The following LINGO2 variants were observed in gnomAD, a reference collection of about 807,000 sequenced individuals.
LINGO2 encodes the protein leucine-rich repeat and immunoglobulin-like domain-containing nogo receptor-interacting protein 2.
LINGO2 carries 14 observed loss-of-function variants against 30.6 expected under a neutral mutation model. That is an observed-to-expected ratio of 0.46 (90% confidence interval 0.30 to 0.72). The LOEUF (loss-of-function observed/expected upper bound fraction) is 0.72, where lower values mean the gene tolerates loss of function less well. Among genes scored for constraint, LINGO2 ranks in the 30% least tolerant of loss-of-function variants. The probability of loss-of-function intolerance (pLI) is 0.07; values close to 1 mark genes in which losing one functional copy is unlikely to be tolerated. For synonymous variants in LINGO2, 317 were observed against 288.5 expected, an observed-to-expected ratio of 1.10 and a Z score of -1.00; for missense variants, 729 against 751.7, an observed-to-expected ratio of 0.97 and a Z score of 0.35.
At chr9:28,813,574 C>T in the LINGO2 span, among the ~76,000 whole-genome samples, 25 of 152,094 alleles carry the variant, frequency 1.6e-4, no homozygotes, top group Admixed American at 3.3e-4. Context: ...TTAATGAACA[C>T]GAACATCTAC....
chr9:27,948,109 T>G (rs2118247094), exon 6 of LINGO2: 1 of 152,300 alleles, frequency 6.6e-6, no homozygotes, highest in South Asian at 2.1e-4. Context: ...ATGCCTTTAT[T>G]TATAGTAACA....
intron 4 of LINGO2, among the ~76,000 whole-genome samples, chr9:28,221,533 A>G (rs2133898041): frequency 6.6e-6 from 1 of 152,256 alleles, no homozygotes; most frequent in East Asian, 1.9e-4. Context: ...AAAGCATATG[A>G]TTTGGTGGTT....
chr9:28,595,967 G>A (rs2135724916), intron 1 of LINGO2, among the ~76,000 whole-genome samples: 1 of 152,186 alleles, frequency 6.6e-6, no homozygotes, highest in African/African-American at 2.4e-5. Flanking sequence ...CGGAATTTGT[G>A]TATCTTTTTG....
the LINGO2 span, among the ~76,000 whole-genome samples, chr9:29,107,066 C>T: frequency 6.6e-6 from 1 of 152,164 alleles, no homozygotes; most frequent in Admixed American, 6.5e-5. Context: ...ATAAAATGCT[C>T]TTACATGTAA....
At chr9:28,485,508 G>C (rs529860374) in intron 1 of LINGO2, among the ~76,000 whole-genome samples, 97 of 152,170 alleles carry the variant, frequency 6.4e-4, no homozygotes, top group African/African-American at 2.1e-3. Context: ...AGGAGAGAAA[G>C]CTCATTATAG....
chr9:28,283,454 T>C (rs1254788121), intron 4 of LINGO2, among the ~76,000 whole-genome samples: 1 of 152,116 alleles, frequency 6.6e-6, no homozygotes, highest in Non-Finnish European at 1.5e-5. Context: ...AAAGGCAAAA[T>C]ATACACACAG....
chr9:28,014,082 A>T (rs1224508465), intron 4 of LINGO2, among the ~76,000 whole-genome samples: 2 of 152,058 alleles, frequency 1.3e-5, no homozygotes, highest in Admixed American at 6.6e-5. Flanking sequence ...TTTTTTTGCC[A>T]CCACTGTGTA....
intron 1 of LINGO2, among the ~76,000 whole-genome samples, chr9:28,556,474 C>A (rs531542335): frequency 1.3e-5 from 2 of 152,202 alleles, no homozygotes; most frequent in East Asian, 3.9e-4. Context: ...GAACGACAAA[C>A]CACTGCTCAA....
intron 1 of LINGO2, among the ~76,000 whole-genome samples, chr9:28,515,738 C>T (rs941722907): frequency 2.6e-5 from 4 of 152,110 alleles, no homozygotes; most frequent in African/African-American, 7.2e-5. Flanking sequence ...GTTGAAATGA[C>T]AACAAAGGAT....
At chr9:29,161,503 T>A in the LINGO2 span, among the ~76,000 whole-genome samples, 65 of 152,214 alleles carry the variant, frequency 4.3e-4, no homozygotes, top group African/African-American at 1.5e-3. Flanking sequence ...AAAATTTTCC[T>A]GTAGATAAAT....
intron 2 of LINGO2, among the ~76,000 whole-genome samples, chr9:28,407,790 T>G (rs1220047680): frequency 6.6e-6 from 1 of 152,168 alleles, no homozygotes; most frequent in Non-Finnish European, 1.5e-5. Flanking sequence ...TCACTATAAT[T>G]TTACAAATAA....
chr9:28,812,403 T>C, the LINGO2 span, among the ~76,000 whole-genome samples: 1 of 152,176 alleles, frequency 6.6e-6, no homozygotes, highest in South Asian at 2.1e-4. Context: ...TCTTTCATGA[T>C]GCGCAATTAT....
chr9:28,243,095 A>G (rs1411844713), intron 4 of LINGO2, among the ~76,000 whole-genome samples: 1 of 152,148 alleles, frequency 6.6e-6, no homozygotes, highest in East Asian at 1.9e-4. Context: ...TAGCATCATG[A>G]TAACAGAATC....
the LINGO2 span, among the ~76,000 whole-genome samples, chr9:28,948,739 C>T: frequency 6.6e-6 from 1 of 151,988 alleles, no homozygotes; most frequent in African/African-American, 2.4e-5. Context: ...GTATTGAAAA[C>T]ACTGAAACCT....
the LINGO2 span, among the ~76,000 whole-genome samples, chr9:29,070,263 T>C: frequency 6.6e-6 from 1 of 152,086 alleles, no homozygotes. Context: ...TAACCATCAC[T>C]CTACTGCCCA....
chr9:29,010,447 T>C, the LINGO2 span, among the ~76,000 whole-genome samples: 1 of 152,138 alleles, frequency 6.6e-6, no homozygotes, highest in Non-Finnish European at 1.5e-5. Flanking sequence ...CAAAGGATGA[T>C]AAGAAACAGG....
chr9:28,345,939 T>G (rs1819547168), intron 3 of LINGO2, among the ~76,000 whole-genome samples: 1 of 152,116 alleles, frequency 6.6e-6, no homozygotes, highest in South Asian at 2.1e-4. Flanking sequence ...ATTGCCTAAT[T>G]TAATTGACAA....
At chr9:28,025,557 T>C (rs1408750991) in intron 4 of LINGO2, among the ~76,000 whole-genome samples, 1 of 152,172 alleles carries the variant, frequency 6.6e-6, no homozygotes, top group Non-Finnish European at 1.5e-5. Context: ...AAAACAAGCT[T>C]ATTATCTGTA....
chr9:28,792,118 T>A, the LINGO2 span, among the ~76,000 whole-genome samples: 2 of 151,636 alleles, frequency 1.3e-5, no homozygotes, highest in Non-Finnish European at 3.0e-5. Flanking sequence ...ATTACAGAAC[T>A]AAAAAGAAAA....
Sources: gnomAD v4.1 joint callset for allele counts (sites outside exome capture counted in the v4.1 genomes callset) on GRCh38, gnomAD v4.1.1 for gene constraint, MANE v1.5 for transcripts, NCBI Gene and HGNC (gene_info 2026-07-23, HGNC 2026-07-21) for gene names.